The following CDH18 variants were observed in gnomAD, a reference collection of about 807,000 sequenced individuals.
The protein encoded by CDH18 is cadherin-18.
A neutral mutation model predicts 67.9 loss-of-function variants in CDH18; 31 were observed. That is an observed-to-expected ratio of 0.46 (90% CI 0.34 to 0.62). CDH18 has a LOEUF of 0.62. Ranked by LOEUF, CDH18 falls within the 20% of genes least tolerant of loss-of-function variation. The pLI is 0.01. For missense variants in CDH18, 890 were observed against 975.5 expected, an observed-to-expected ratio of 0.91 and a Z score of 1.17; for synonymous variants, 362 against 347.2, an observed-to-expected ratio of 1.04 and a Z score of -0.48.
intron 1 of CDH18, among the ~76,000 whole-genome samples, chr5:20,343,069 A>T (rs944834987): frequency 2.0e-5 from 3 of 152,176 alleles, no homozygotes; most frequent in Middle Eastern, 3.2e-3. Flanking sequence ...CTCAACTAAA[A>T]TATTTAAACA....
chr5:20,422,949 A>C (rs1384841440), intron 1 of CDH18, among the ~76,000 whole-genome samples: 1 of 151,192 alleles, frequency 6.6e-6, no homozygotes. Context: ...TACATGGCAC[A>C]GGTAGACCCT....
chr5:20,572,969 C>T (rs78207348), intron 1 of CDH18, among the ~76,000 whole-genome samples: 3,801 of 152,156 alleles, frequency 0.025, 164 homozygotes, highest in African/African-American at 0.086. Context: ...TTGTCTTCCT[C>T]AATTATGTTT....
At chr5:20,298,770 A>C (rs1381503039) in intron 1 of CDH18, among the ~76,000 whole-genome samples, 2 of 152,214 alleles carry the variant, frequency 1.3e-5, no homozygotes, top group Non-Finnish European at 2.9e-5. Context: ...ATAACCATTA[A>C]ATTATGAGGT....
At chr5:19,549,654 G>T (rs1385343424) in intron 8 of CDH18, among the ~76,000 whole-genome samples, 1 of 144,360 alleles carries the variant, frequency 6.9e-6, no homozygotes, top group Non-Finnish European at 1.5e-5. Flanking sequence ...AGGGAGAGAG[G>T]GAAGGAAGGG....
chr5:19,510,228 G>A (rs547937308), intron 10 of CDH18, among the ~76,000 whole-genome samples: 7 of 152,178 alleles, frequency 4.6e-5, no homozygotes, highest in Middle Eastern at 3.4e-3. Flanking sequence ...CTTCAAAAGT[G>A]TTTTCAAGAT....
intron 2 of CDH18, among the ~76,000 whole-genome samples, chr5:20,069,856 A>C (rs1445074365): frequency 6.6e-6 from 1 of 152,174 alleles, no homozygotes; most frequent in African/African-American, 2.4e-5. Flanking sequence ...CAGCAGTGGT[A>C]CAATTGTTAT....
At chr5:19,615,055 G>A (rs1749600214) in intron 5 of CDH18, among the ~76,000 whole-genome samples, 1 of 151,788 alleles carries the variant, frequency 6.6e-6, no homozygotes, top group African/African-American at 2.4e-5. Context: ...GCTGAGACAA[G>A]AGAATTGCTT....
chr5:19,604,006 T>C (rs936804003), intron 6 of CDH18, among the ~76,000 whole-genome samples: 6 of 151,974 alleles, frequency 3.9e-5, no homozygotes, highest in Non-Finnish European at 7.4e-5. Context: ...GGATGCACCA[T>C]AGTTTTGTAT....
chr5:20,272,437 A>G (rs761195590), intron 1 of CDH18, among the ~76,000 whole-genome samples: 2 of 152,008 alleles, frequency 1.3e-5, no homozygotes. Context: ...ATGTTGAGGG[A>G]GTAGATAAAG....
chr5:19,589,734 C>A lies in CDH18; in HGVS notation c.999+1323G>T, dbSNP rs553818421. Among the ~76,000 whole-genome samples, 32 of 152,176 alleles carry A rather than the reference C, an allele frequency of 2.1e-4. No individual in the cohort carries two copies. The Middle Eastern group carries it at 0.014, about 65-fold the overall frequency. On this transcript the variant is annotated intron_variant, in intron 7 of 12. Transcript: ENST00000382275. ...CAGCAAGGCCTTGTGTGCTCTTGTG[C>A]CCACTGACTGCATTCCTCATTCCCT...
intron 2 of CDH18, among the ~76,000 whole-genome samples, chr5:20,039,840 G>A (rs1419621323): frequency 2.0e-5 from 3 of 152,110 alleles, no homozygotes; most frequent in Non-Finnish European, 2.9e-5. Context: ...AGCCAAAATT[G>A]ACAAATGGGA....
chr5:20,272,851 A>C (rs1391192658), intron 1 of CDH18, among the ~76,000 whole-genome samples: 4 of 152,180 alleles, frequency 2.6e-5, no homozygotes, highest in South Asian at 2.1e-4. Context: ...ATGAATGACC[A>C]CTATTATTCT....
intron 2 of CDH18, among the ~76,000 whole-genome samples, chr5:20,072,563 G>A (rs1348209541): frequency 2.6e-5 from 4 of 151,868 alleles, no homozygotes; most frequent in Non-Finnish European, 5.9e-5. Flanking sequence ...CTGGAGAAGT[G>A]ATATTTTAAA....
chr5:19,743,118 A>C (rs1769451270), intron 4 of CDH18, among the ~76,000 whole-genome samples: 1 of 152,190 alleles, frequency 6.6e-6, no homozygotes, highest in Admixed American at 6.5e-5. Context: ...TGTATTCTCT[A>C]ACAAAACTAG....
chr5:20,241,905 T>TATATATATATATATATATATATAA lies in CDH18; in HGVS notation c.-518+13538_-518+13539insTTATATATATATATATATATATAT, dbSNP rs369967608. Among the ~76,000 whole-genome samples the TATATATATATATATATATATATAA allele has an allele frequency of 2.5e-3, 352 of 141,284 alleles. 6 individuals are homozygous for TATATATATATATATATATATATAA. The highest frequency in any genetic ancestry group is 9.4e-3 in the African/African-American group (338 of 35,780). The allele number at this position is 141,284 out of a possible 152,430, so 92.7% of individuals were successfully genotyped here. On this transcript the variant is annotated intron_variant, in intron 2 of 14. Coordinates refer to the CDH18 transcript ENST00000507958. ...ATATATATATATGTATATATATATA[T>TATATATATATATATATATATATAA]ATATTGCTTAGTCAGAGGCACTGTG...
Position 19,670,410 on chromosome 5 carries a change from C to T in CDH18, c.643+50937G>A, listed in dbSNP as rs371435361. Among the ~76,000 whole-genome samples the T allele has an allele frequency of 9.2e-5, 14 of 151,986 alleles. 1 individual carries two copies. Among genetic ancestry groups the T allele is most frequent in the Non-Finnish European group, 1.5e-4 (10 of 67,992 alleles). ...TAACACAAATACTGGTTATAAATGACGGCAAATAATGGAAGCCAAAATTTT... is the reference window on the plus strand; with the variant it reads ...TAACACAAATACTGGTTATAAATGATGGCAAATAATGGAAGCCAAAATTTT... On this transcript the variant is annotated intron_variant, in intron 5 of 12. Transcript: ENST00000382275.
At chr5:20,071,532 A>C (rs1743480166) in intron 2 of CDH18, among the ~76,000 whole-genome samples, 1 of 152,102 alleles carries the variant, frequency 6.6e-6, no homozygotes, top group Non-Finnish European at 1.5e-5. Context: ...TTAATTCTGA[A>C]GGGACAGCTA....
chr5:20,277,004 T>C (rs1025418778), intron 1 of CDH18, among the ~76,000 whole-genome samples: 1 of 152,068 alleles, frequency 6.6e-6, no homozygotes, highest in African/African-American at 2.4e-5. Flanking sequence ...TGCAGTAGAA[T>C]AGAGCACCAG....
intron 1 of CDH18, among the ~76,000 whole-genome samples, chr5:20,528,318 C>A (rs946336663): frequency 1.3e-5 from 2 of 151,926 alleles, no homozygotes; most frequent in East Asian, 1.9e-4. Flanking sequence ...GATTTTAATA[C>A]CCCACTGTTA....
Sources: allele counts gnomAD v4.1 joint callset (sites outside exome capture counted in the v4.1 genomes callset), GRCh38; gene constraint gnomAD v4.1.1; transcripts MANE v1.5; gene names NCBI Gene and HGNC (gene_info 2026-07-23, HGNC 2026-07-21).